The following ATP7A variants were observed in gnomAD, a reference collection of about 807,000 sequenced individuals.
ATP7A encodes ATPase copper transporting alpha, also known as copper-transporting ATPase 1.
Under a neutral mutation model 83.5 loss-of-function variants are expected in ATP7A, and 7 were observed. The ratio of observed to expected loss-of-function variants is 0.08; its 90% CI spans 0.05 to 0.16. The LOEUF is 0.16. Ranked by LOEUF, ATP7A falls within the 10% of genes least tolerant of loss-of-function variation. ATP7A has a pLI of 1.00. For missense variants in ATP7A, 940 were observed against 1,120.8 expected (o/e 0.84, Z 2.30); for synonymous variants, 354 against 395.2 (o/e 0.90, Z 1.24).
chrX:77,937,904 C>CACACATAT (rs1205896594), intron 1 of ATP7A, among the ~76,000 whole-genome samples: 2 of 108,213 alleles, frequency 1.8e-5, no homozygotes, highest in African/African-American at 6.7e-5. Flanking sequence ...CACACACACA[C>CACACATAT]ACACACATAC....
At chrX:77,934,638 A>G (rs955177531) in intron 1 of ATP7A, among the ~76,000 whole-genome samples, 2 of 110,493 alleles carry the variant, frequency 1.8e-5, no homozygotes, top group African/African-American at 6.6e-5. Context: ...AACCCATCAC[A>G]TGAGGTCGGG....
chrX:78,031,656 G>C (rs1474653553), intron 16 of ATP7A, 74 bp downstream of exon 16: 10 of 1,059,931 alleles, frequency 9.4e-6, no homozygotes, highest in Admixed American at 2.2e-5. Flanking sequence ...CTAGTCTGGT[G>C]TTTGACTGTG....
At chrX:78,006,026 A>G (rs953625563) in intron 6 of ATP7A, among the ~76,000 whole-genome samples, 4 of 112,299 alleles carry the variant, frequency 3.6e-5, no homozygotes, top group South Asian at 3.7e-4. Context: ...CCTCTTAAAC[A>G]TGAAAAGATG....
intron 1 of ATP7A, among the ~76,000 whole-genome samples, chrX:77,948,380 C>T (rs1209495776): frequency 1.8e-5 from 2 of 111,521 alleles, no homozygotes; most frequent in African/African-American, 6.5e-5. Flanking sequence ...CCTGCCTTGG[C>T]CTCCCAAAGT....
chrX:77,917,784 T>C (rs2077192296), intron 1 of ATP7A, among the ~76,000 whole-genome samples: 1 of 112,271 alleles, frequency 8.9e-6, no homozygotes, highest in African/African-American at 3.2e-5. Context: ...GGTTATGTTC[T>C]ACATTTGAAG....
At position 77,999,993 on chromosome X, in the gene ATP7A, G is replaced by T. The variant is rs192878854; in HGVS notation, c.1543+1309G>T. Among the ~76,000 whole-genome samples, 25 of 110,527 alleles carry T rather than the reference G, an allele frequency of 2.3e-4. No homozygotes were observed. The Admixed American group carries it at 2.4e-3, about 11-fold the overall frequency. ...TACTTTGGCTGCCCTAGCCCTAGGT[G>T]TCTTAATGATACATATGGTTAGTCA... On this transcript the variant is annotated intron_variant, in intron 5 of 22. Transcript: ENST00000341514.
chrX:77,921,991 C>T (rs782215161), intron 1 of ATP7A, among the ~76,000 whole-genome samples: 6 of 110,663 alleles, frequency 5.4e-5, no homozygotes, highest in African/African-American at 9.8e-5. Flanking sequence ...GATGGGGTCT[C>T]GCTATGTTGC....
At chrX:77,921,982 A>T (rs1260670599) in intron 1 of ATP7A, among the ~76,000 whole-genome samples, 1 of 110,565 alleles carries the variant, frequency 9.0e-6, no homozygotes, top group Non-Finnish European at 1.9e-5. Context: ...TTTCGTAGAG[A>T]TGGGGTCTCG....
At position 78,050,185 on chromosome X, in the gene ATP7A, G is replaced by A. The variant is rs1010845923; in HGVS notation, c.*3615G>A. ...ATGCCTTTTGTAGCCAAAACCAGGC[G>A]TCTCAACCTTACGTTTTTAGTTAAA... is the stretch of plus-strand genomic sequence containing the variant. On this transcript the variant is annotated 3_prime_UTR_variant, in exon 23 of 23. Coordinates refer to ENST00000341514, the MANE Select transcript of ATP7A (RefSeq NM_000052.7). The A allele has an allele frequency of 5.4e-5, 6 of 112,084 alleles. No individual in the cohort carries two copies. The highest frequency in any genetic ancestry group is 3.7e-4 in the South Asian group (1 of 2,705). 9.2% of individuals were successfully genotyped at this position (112,084 alleles called of 1,213,427 possible).
intron 17 of ATP7A, among the ~76,000 whole-genome samples, chrX:78,035,020 A>G (rs2078004967): frequency 9.1e-6 from 1 of 109,805 alleles, no homozygotes; most frequent in Admixed American, 9.6e-5. Context: ...CTGGGATTAC[A>G]GGTGTGAGCC....
At chrX:78,032,658 GTTGT>G (rs782132468) in intron 16 of ATP7A, among the ~76,000 whole-genome samples, 16 of 111,982 alleles carry the variant, frequency 1.4e-4, no homozygotes, top group Non-Finnish European at 2.6e-4. Context: ...TTTCCACAGA[GTTGT>G]TTGTCTTTTT....
intron 1 of ATP7A, chrX:77,963,371 G>A (rs1417090611): frequency 8.9e-6 from 1 of 111,875 alleles, no homozygotes; most frequent in Non-Finnish European, 1.9e-5. Flanking sequence ...CTAAAACAGT[G>A]TCACATAGCA....
At chrX:77,914,390 A>C (rs2077174843) in intron 1 of ATP7A, among the ~76,000 whole-genome samples, 1 of 110,800 alleles carries the variant, frequency 9.0e-6, no homozygotes, top group African/African-American at 3.3e-5. Context: ...AGCTGGGACT[A>C]TAGGTGTGTG....
intron 1 of ATP7A, chrX:77,963,986 A>G (rs2077489491): frequency 8.9e-6 from 1 of 111,936 alleles, no homozygotes; most frequent in Non-Finnish European, 1.9e-5. Flanking sequence ...CTGCTTTTAC[A>G]CTTAATATTT....
At chrX:78,008,525 G>GA (rs1189354642) in intron 6 of ATP7A, among the ~76,000 whole-genome samples, 5 of 109,344 alleles carry the variant, frequency 4.6e-5, no homozygotes, top group East Asian at 2.9e-4. Flanking sequence ...TCAGCAGGAT[G>GA]AAAAAAAAAT....
intron 16 of ATP7A, 78 bp from the exon 17 acceptor site, chrX:78,033,526 CT>C: frequency 1.0e-6 from 1 of 962,140 alleles, no homozygotes; most frequent in Non-Finnish European, 1.5e-6. Flanking sequence ...TTAGAATTAA[CT>C]AGGGGTTTTT....
intron 1 of ATP7A, among the ~76,000 whole-genome samples, chrX:77,937,138 A>G (rs1200607518): frequency 1.8e-5 from 2 of 112,682 alleles, no homozygotes; most frequent in Admixed American, 9.4e-5. Flanking sequence ...TAACAAATGT[A>G]CCACTCTGGT....
At chrX:78,036,352 T>C (rs1046382544) in intron 17 of ATP7A, among the ~76,000 whole-genome samples, 1 of 110,866 alleles carries the variant, frequency 9.0e-6, no homozygotes, top group Non-Finnish European at 1.9e-5. Flanking sequence ...AAAAGCTATG[T>C]GGATTTCTGT....
chrX:77,953,377 G>A (rs1278934895), intron 1 of ATP7A, among the ~76,000 whole-genome samples: 1 of 111,356 alleles, frequency 9.0e-6, no homozygotes, highest in Non-Finnish European at 1.9e-5. Flanking sequence ...GTTTTGATGA[G>A]GGAGAGGAGG....
Sources: gnomAD v4.1 joint callset for allele counts (sites outside exome capture counted in the v4.1 genomes callset) on GRCh38, gnomAD v4.1.1 for gene constraint, MANE v1.5 for transcripts, NCBI Gene and HGNC (gene_info 2026-07-23, HGNC 2026-07-21) for gene names.